The following LRRIQ1 variants were observed in gnomAD, a reference collection of about 807,000 sequenced individuals.
LRRIQ1 encodes the protein leucine-rich repeat- and IQ domain-containing protein 1.
A neutral mutation model predicts 211.9 loss-of-function variants in LRRIQ1; 210 were observed. That is an observed-to-expected ratio of 0.99 (90% confidence interval 0.89 to 1.11). The LOEUF is 1.11. LRRIQ1 is among the 50% of genes most tolerant of loss of function. LRRIQ1 has a pLI of 0.00. For synonymous variants in LRRIQ1, 699 were observed against 650.1 expected, an observed-to-expected ratio of 1.08 and a Z score of -1.14; for missense variants, 2,136 against 1,939.5, an observed-to-expected ratio of 1.10 and a Z score of -1.90.
At chr12:85,160,362 C>G (rs1035010613) in intron 23 of LRRIQ1, among the ~76,000 whole-genome samples, 1 of 151,992 alleles carries the variant, frequency 6.6e-6, no homozygotes, top group Non-Finnish European at 1.5e-5. Context: ...CATCTCCCCA[C>G]AGTTTAGATG....
chr12:85,075,813 AC>A (rs1883585455), intron 11 of LRRIQ1, among the ~76,000 whole-genome samples: 1 of 151,894 alleles, frequency 6.6e-6, no homozygotes, highest in African/African-American at 2.4e-5. Flanking sequence ...TGATCATGCC[AC>A]TGCACTCCAG....
At chr12:85,071,539 G>A (rs1883082224) in intron 10 of LRRIQ1, among the ~76,000 whole-genome samples, 1 of 151,872 alleles carries the variant, frequency 6.6e-6, no homozygotes, top group Non-Finnish European at 1.5e-5. Context: ...TTAATTTCCT[G>A]CAATTTGTAT....
At chr12:85,191,130 A>T (rs1024628168) in intron 24 of LRRIQ1, among the ~76,000 whole-genome samples, 1 of 152,022 alleles carries the variant, frequency 6.6e-6, no homozygotes, top group Admixed American at 6.6e-5. Context: ...GGCTTTAAAC[A>T]TCTCTTAGTA....
chr12:85,068,068 T>C (rs1565804446), intron 10 of LRRIQ1, among the ~76,000 whole-genome samples: 2 of 151,968 alleles, frequency 1.3e-5, no homozygotes, highest in Non-Finnish European at 2.9e-5. Flanking sequence ...TCTATTGTTT[T>C]TTATTATTTA....
In LRRIQ1 at chr12:85,154,035, CT is replaced by C; in HGVS notation, c.4662del (p.Gln1555SerfsTer4). 1 of 1,567,976 alleles carries C rather than the reference CT, an allele frequency of 6.4e-7. No individual in the cohort carries two copies. Among genetic ancestry groups the C allele is most frequent in the South Asian group, 1.2e-5 (1 of 82,070 alleles). On this transcript the variant is annotated frameshift_variant, in exon 23 of 27. Transcript: ENST00000393217. LOFTEE classifies it high-confidence loss of function. ...EEWGFKDIST[A>X]QQMLKRAQKM... ...AGGGGCTTTAAGGATATTTCTACTG[CT>C]CAGCAAATGTTGAAGAGGGCACAGA... is the stretch of plus-strand genomic sequence containing the variant.
At chr12:85,192,272 C>T (rs902961803) in intron 24 of LRRIQ1, among the ~76,000 whole-genome samples, 7 of 149,424 alleles carry the variant, frequency 4.7e-5, no homozygotes, top group Non-Finnish European at 7.4e-5. Flanking sequence ...ATTTTCTGTT[C>T]CTGTGTTAGT....
intron 26 of LRRIQ1, among the ~76,000 whole-genome samples, chr12:85,236,880 G>A (rs1220479509): frequency 8.7e-6 from 1 of 114,648 alleles, no homozygotes; most frequent in East Asian, 2.7e-4. Context: ...TTTACATACA[G>A]CCATCAAAGA....
At chr12:85,135,390 C>G (rs1333235182) in intron 18 of LRRIQ1, among the ~76,000 whole-genome samples, 1 of 151,492 alleles carries the variant, frequency 6.6e-6, no homozygotes, top group Non-Finnish European at 1.5e-5. Context: ...CTGGTTGCCT[C>G]TCTTTAAGGA....
intron 24 of LRRIQ1, among the ~76,000 whole-genome samples, chr12:85,184,452 T>G (rs1892135950): frequency 6.6e-6 from 1 of 152,054 alleles, no homozygotes; most frequent in Non-Finnish European, 1.5e-5. Context: ...AACTTATACA[T>G]ATAGATGTGT....
At chr12:85,177,313 C>T (rs1235809046) in intron 24 of LRRIQ1, among the ~76,000 whole-genome samples, 1 of 152,014 alleles carries the variant, frequency 6.6e-6, no homozygotes, top group Non-Finnish European at 1.5e-5. Flanking sequence ...AGTTCTCTAT[C>T]TAGAAGCAGG....
chr12:85,149,616 C>T (rs1890107191), intron 19 of LRRIQ1, among the ~76,000 whole-genome samples: 1 of 151,660 alleles, frequency 6.6e-6, no homozygotes, highest in Non-Finnish European at 1.5e-5. Flanking sequence ...ATTTATAACT[C>T]CTAGCCAATT....
At chr12:85,099,048 G>A (rs1309881500) in intron 13 of LRRIQ1, 54 bp downstream of exon 13, 4 of 1,281,680 alleles carry the variant, frequency 3.1e-6, no homozygotes, top group Non-Finnish European at 3.2e-6. Context: ...AAATAAATAT[G>A]TGATGTTCAT....
At chr12:85,040,838 C>G (rs1419094652) in intron 3 of LRRIQ1, among the ~76,000 whole-genome samples, 3 of 151,060 alleles carry the variant, frequency 2.0e-5, no homozygotes, top group African/African-American at 7.3e-5. Flanking sequence ...TTCCGCAGTC[C>G]TAATTAATAC....
At chr12:85,254,170 C>A (rs943713069) in intron 1 of LRRIQ1, among the ~76,000 whole-genome samples, 5 of 152,028 alleles carry the variant, frequency 3.3e-5, no homozygotes, top group African/African-American at 1.2e-4. Flanking sequence ...TGATTGTGAG[C>A]TTCTGGGGAG....
chr12:85,171,096 A>C (rs373271623), intron 24 of LRRIQ1, among the ~76,000 whole-genome samples: 2 of 152,142 alleles, frequency 1.3e-5, no homozygotes, highest in East Asian at 3.9e-4. Flanking sequence ...TAGATAATGG[A>C]GATTTTAAAA....
intron 7 of LRRIQ1, among the ~76,000 whole-genome samples, chr12:85,052,642 T>C (rs1191577831): frequency 2.0e-5 from 3 of 152,148 alleles, no homozygotes; most frequent in Non-Finnish European, 4.4e-5. Flanking sequence ...TTATTTACTC[T>C]AGAGTTTTCA....
At chr12:85,168,427 G>A (rs536370925) in intron 24 of LRRIQ1, among the ~76,000 whole-genome samples, 122 of 152,284 alleles carry the variant, frequency 8.0e-4, no homozygotes, top group African/African-American at 2.9e-3. Flanking sequence ...TTGACTTAGA[G>A]GTAGGAGGAG....
chr12:85,094,622 A>T (rs577547659), intron 11 of LRRIQ1, among the ~76,000 whole-genome samples: 46 of 152,104 alleles, frequency 3.0e-4, no homozygotes, highest in African/African-American at 1.0e-3. Context: ...TATTAATTTT[A>T]GAATAGTTTT....
In LRRIQ1 at chr12:85,197,013, C is replaced by T. The variant is rs909151295; in HGVS notation, c.4823-32504C>T. Among the ~76,000 whole-genome samples, 1,583 of 150,672 alleles carry T rather than the reference C, an allele frequency of 0.011. 111 individuals carry two copies. The East Asian group carries it at 0.2, about 19-fold the overall frequency. ...ACAAACAACCCCATCAAAAAGTGGG[C>T]GAAGGACATGAACAGACACTTCTCA... On this transcript the variant is annotated intron_variant, in intron 24 of 26. Transcript: ENST00000393217.
Sources: allele counts gnomAD v4.1 joint callset (sites outside exome capture counted in the v4.1 genomes callset), GRCh38; gene constraint gnomAD v4.1.1; transcripts MANE v1.5; gene names NCBI Gene and HGNC (gene_info 2026-07-23, HGNC 2026-07-21).